ARHGAP22: variants seen among roughly 807,000 people sequenced by gnomAD.
The protein encoded by ARHGAP22 is rho GTPase-activating protein 22.
ARHGAP22 carries 48 observed loss-of-function variants against 59.1 expected under a neutral mutation model. The observed-to-expected ratio is 0.81, with a 90% CI of 0.64 to 1.03. The LOEUF is 1.03. Among genes scored for constraint, ARHGAP22 ranks in the 50% least tolerant of loss-of-function variants. ARHGAP22 has a pLI of 0.00. For missense variants in ARHGAP22, 1,015 were observed against 958.7 expected (o/e 1.06, Z -0.78); for synonymous variants, 445 against 416.4 (o/e 1.07, Z -0.84).
chr10:48,582,781 G>A (rs866550081), intron 2 of ARHGAP22, 172 bp downstream of exon 2: 2 of 692,636 alleles, frequency 2.9e-6, no homozygotes, highest in Non-Finnish European at 4.7e-6. Flanking sequence ...AAAACAGGCT[G>A]TGATACCAGG....
intron 1 of ARHGAP22, among the ~76,000 whole-genome samples, chr10:48,616,340 G>T (rs2061080107): frequency 6.6e-6 from 1 of 152,028 alleles, no homozygotes; most frequent in South Asian, 2.1e-4. Context: ...GTGATGGTCT[G>T]GAATTGAACC....
intron 1 of ARHGAP22, among the ~76,000 whole-genome samples, chr10:48,603,623 G>A (rs367583442): frequency 5.0e-4 from 76 of 152,294 alleles, no homozygotes; most frequent in African/African-American, 1.8e-3. Flanking sequence ...AGAGGTATCT[G>A]GCTTGTCCTA....
At chr10:48,484,173 G>A (rs908335784) in intron 3 of ARHGAP22, among the ~76,000 whole-genome samples, 1 of 152,194 alleles carries the variant, frequency 6.6e-6, no homozygotes, top group Non-Finnish European at 1.5e-5. Context: ...GCACCTGTGT[G>A]GAAAATTGGT....
intron 3 of ARHGAP22, among the ~76,000 whole-genome samples, chr10:48,501,998 G>A (rs1056394041): frequency 6.6e-6 from 1 of 152,190 alleles, no homozygotes; most frequent in African/African-American, 2.4e-5. Context: ...ACAGATGACT[G>A]TCTTGATTGA....
chr10:48,456,647 G>A (rs907675914), intron 5 of ARHGAP22, among the ~76,000 whole-genome samples: 2 of 152,248 alleles, frequency 1.3e-5, no homozygotes, highest in Middle Eastern at 3.4e-3. Flanking sequence ...CCCCTTTTCT[G>A]CAGCTGGGGG....
intron 5 of ARHGAP22, among the ~76,000 whole-genome samples, chr10:48,457,993 G>A (rs1381224286): frequency 6.6e-6 from 1 of 151,592 alleles, no homozygotes; most frequent in Non-Finnish European, 1.5e-5. Context: ...GGGGTGGGTG[G>A]GGAGGGCCCC....
intron 3 of ARHGAP22, among the ~76,000 whole-genome samples, chr10:48,511,877 C>T (rs2134556847): frequency 6.6e-6 from 1 of 152,366 alleles, no homozygotes; most frequent in East Asian, 1.9e-4. Flanking sequence ...CTTCTGTGGG[C>T]TCGCAAGTGG....
intron 2 of ARHGAP22, among the ~76,000 whole-genome samples, chr10:48,562,968 A>G (rs1170471891): frequency 6.6e-6 from 1 of 152,152 alleles, no homozygotes; most frequent in Non-Finnish European, 1.5e-5. Flanking sequence ...TTACTGGGCT[A>G]TAGTCAATAG....
chr10:48,566,670 C>G (rs2058064277), intron 2 of ARHGAP22, among the ~76,000 whole-genome samples: 1 of 152,206 alleles, frequency 6.6e-6, no homozygotes, highest in South Asian at 2.1e-4. Context: ...CAGATCGGAC[C>G]TGGGAACGCC....
chr10:48,626,885 GGTGAACCAGCCAT>G (rs1481903196), intron 1 of ARHGAP22, among the ~76,000 whole-genome samples: 2 of 152,140 alleles, frequency 1.3e-5, no homozygotes, highest in Non-Finnish European at 2.9e-5. Context: ...TGGGCATGGG[GGTGAACCAGCCAT>G]GTGATTAGAG....
chr10:48,511,195 T>C (rs567754334), intron 3 of ARHGAP22, among the ~76,000 whole-genome samples: 167 of 152,256 alleles, frequency 1.1e-3, no homozygotes, highest in African/African-American at 3.9e-3. Flanking sequence ...ATCAGGAAGA[T>C]GGTGTGTGGT....
intron 1 of ARHGAP22, among the ~76,000 whole-genome samples, chr10:48,611,643 C>T (rs986999784): frequency 1.3e-5 from 2 of 152,130 alleles, no homozygotes; most frequent in Admixed American, 6.5e-5. Context: ...AAAATAGCTG[C>T]TTGTTGAACA....
chr10:48,562,140 C>T (rs545300852), intron 2 of ARHGAP22, among the ~76,000 whole-genome samples: 1 of 151,880 alleles, frequency 6.6e-6, no homozygotes, highest in South Asian at 2.1e-4. Context: ...GCAGAAGAAT[C>T]TCTGGAACCC....
chr10:48,521,548 T>C (rs552545655), intron 3 of ARHGAP22, among the ~76,000 whole-genome samples: 1 of 152,366 alleles, frequency 6.6e-6, no homozygotes, highest in South Asian at 2.1e-4. Context: ...TAAGAACAAC[T>C]GTTGTCTTAG....
intron 3 of ARHGAP22, among the ~76,000 whole-genome samples, chr10:48,498,521 T>A (rs1589765932): frequency 6.6e-6 from 1 of 152,200 alleles, no homozygotes; most frequent in East Asian, 1.9e-4. Context: ...GCCCTCTGCA[T>A]CCCCAAGCAG....
intron 3 of ARHGAP22, among the ~76,000 whole-genome samples, chr10:48,541,949 T>C (rs988931067): frequency 6.6e-6 from 1 of 152,066 alleles, no homozygotes; most frequent in African/African-American, 2.4e-5. Context: ...ACCTGTGAAG[T>C]GTATGCTGGA....
At chr10:48,539,477 G>T in intron 3 of ARHGAP22, among the ~76,000 whole-genome samples, 1 of 150,928 alleles carries the variant, frequency 6.6e-6, no homozygotes, top group East Asian at 1.9e-4. Context: ...ATTTTTAGTA[G>T]AGACGGGGTT....
chr10:48,520,944 A>G (rs746969475), intron 3 of ARHGAP22, among the ~76,000 whole-genome samples: 8 of 152,154 alleles, frequency 5.3e-5, no homozygotes, highest in Non-Finnish European at 1.0e-4. Context: ...CTTCCTCCAA[A>G]TTTCCACCTT....
At chr10:48,522,923 G>A (rs559123575) in intron 3 of ARHGAP22, among the ~76,000 whole-genome samples, 1 of 152,084 alleles carries the variant, frequency 6.6e-6, no homozygotes, top group Non-Finnish European at 1.5e-5. Context: ...ACCTCTCTAC[G>A]TCCTGTGTAA....
Sources: allele counts gnomAD v4.1 joint callset (sites outside exome capture counted in the v4.1 genomes callset), GRCh38; gene constraint gnomAD v4.1.1; transcripts MANE v1.5; gene names NCBI Gene and HGNC (gene_info 2026-07-23, HGNC 2026-07-21).